Variants in TBCB observed in about 807,000 individuals in gnomAD.
TBCB encodes tubulin-folding cofactor B.
A neutral mutation model predicts 29.2 loss-of-function variants in TBCB; 18 were observed. The observed-to-expected ratio is 0.62, with a 90% CI of 0.43 to 0.91. The LOEUF is 0.91. Among genes scored for constraint, TBCB ranks in the 40% least tolerant of loss-of-function variants. TBCB has a pLI of 0.00. For synonymous variants in TBCB, 172 were observed against 137.8 expected, an observed-to-expected ratio of 1.25 and a Z score of -1.74; for missense variants, 336 against 337.6, an observed-to-expected ratio of 1.00 and a Z score of 0.04.
chr19:36,121,906 G>T (rs1263319223), intron 4 of TBCB, 188 bp downstream of exon 4: 6 of 779,320 alleles, frequency 7.7e-6, no homozygotes, highest in Non-Finnish European at 1.2e-5. Flanking sequence ...AGTGTTTGTG[G>T]AGGGAAGTGG....
chr19:36,117,040 C>A (rs1425697577), intron 2 of TBCB, among the ~76,000 whole-genome samples: 3 of 152,190 alleles, frequency 2.0e-5, no homozygotes, highest in Non-Finnish European at 4.4e-5. Flanking sequence ...TTGTCATATG[C>A]CTGCGTGCCT....
At chr19:36,121,455 C>T (rs372875479) in intron 3 of TBCB, 72 bp from the exon 4 acceptor site, 4 of 1,475,776 alleles carry the variant, frequency 2.7e-6, no homozygotes, top group African/African-American at 2.8e-5. Flanking sequence ...AACGTGGGCC[C>T]CTCGTGGGTG....
chr19:36,123,632 G>A (rs1169954763), intron 4 of TBCB, among the ~76,000 whole-genome samples: 1 of 152,074 alleles, frequency 6.6e-6, no homozygotes, highest in Non-Finnish European at 1.5e-5. Context: ...CCAGCACTTT[G>A]GGAGGCCAAG....
At chr19:36,121,374 T>C (rs1974046605) in intron 3 of TBCB, among the ~76,000 whole-genome samples, 153 bp from the exon 4 acceptor site, 1 of 151,830 alleles carries the variant, frequency 6.6e-6, no homozygotes, top group Non-Finnish European at 1.5e-5. Context: ...TGGGAGAGGC[T>C]AAGGCTGTGG....
chr19:36,120,512 G>C, intron 2 of TBCB, 198 bp from the exon 3 acceptor site: 2 of 565,726 alleles, frequency 3.5e-6, no homozygotes, highest in Non-Finnish European at 6.3e-6. Context: ...GAGCTTGGAT[G>C]GGGGTGAGGA....
upstream of TBCB, chr19:36,115,195 T>C (rs1428333501): frequency 1.8e-6 from 1 of 544,224 alleles, no homozygotes; most frequent in African/African-American, 1.9e-5. Context: ...TTGGCTTGGT[T>C]GAAGGCCAGT....
chr19:36,116,033 C>A lies in TBCB; in HGVS notation c.115-8C>A. On this transcript the variant is annotated splice_region_variant and splice_polypyrimidine_tract_variant and intron_variant, in intron 1 of 5. Transcript: ENST00000221855. ...CCTCCTTCTTCTCACCCTGCCTCCT[C>A]CTCACAGTGTAAACTGGAGTTGCTG... is the stretch of plus-strand genomic sequence containing the variant. The A allele has an allele frequency of 6.2e-7, 1 of 1,612,602 alleles. No individual in the cohort carries two copies. The highest frequency in any genetic ancestry group is 8.5e-7 in the Non-Finnish European group (1 of 1,178,834).
intron 4 of TBCB, among the ~76,000 whole-genome samples, chr19:36,122,874 G>A (rs10410926): frequency 0.15 from 22,338 of 151,792 alleles, 1,845 homozygotes; most frequent in Admixed American, 0.25. Context: ...TGTGAACATC[G>A]TACCCAACAG....
At chr19:36,123,825 A>G (rs1974096663) in intron 4 of TBCB, among the ~76,000 whole-genome samples, 1 of 152,186 alleles carries the variant, frequency 6.6e-6, no homozygotes, top group African/African-American at 2.4e-5. Context: ...CAGTGAGCCA[A>G]GATCACACCA....
chr19:36,122,754 C>CAA (rs200939642), intron 4 of TBCB, among the ~76,000 whole-genome samples: 36 of 62,780 alleles, frequency 5.7e-4, no homozygotes, highest in South Asian at 1.4e-3. Flanking sequence ...ACCCTGTCTC[C>CAA]AAAAAAAAAA....
intron 2 of TBCB, 191 bp downstream of exon 2, chr19:36,116,375 G>T: frequency 1.5e-6 from 1 of 663,596 alleles, no homozygotes. Context: ...CTGGGATCAG[G>T]AAATCCCAGG....
At chr19:36,124,257 C>G (rs576771790) in intron 4 of TBCB, among the ~76,000 whole-genome samples, 13 of 152,322 alleles carry the variant, frequency 8.5e-5, no homozygotes, top group African/African-American at 2.9e-4. Context: ...CAGTCTCACT[C>G]CGTCACCCAG....
chr19:36,121,551 GCAGCAAGCTCGGCCGGTA>G lies in TBCB; in HGVS notation c.383_400del (p.Ser128_Tyr133del). 1 of 1,560,864 alleles carries G rather than the reference GCAGCAAGCTCGGCCGGTA, an allele frequency of 6.4e-7. No individual in the cohort carries two copies. The highest frequency in any genetic ancestry group is 8.7e-7 in the Non-Finnish European group (1 of 1,154,654). ...GACACGGTCCGCTCTTTCCTGAAGC[GCAGCAAGCTCGGCCGGTA>G]CAACGAGGAGGAGCGGGCTCAGCAG... On this transcript the variant is annotated inframe_deletion, in exon 4 of 6. Coordinates refer to ENST00000221855, the MANE Select transcript of TBCB (RefSeq NM_001281.3).
chr19:36,119,648 T>C (rs568981397), intron 2 of TBCB, among the ~76,000 whole-genome samples: 8 of 152,138 alleles, frequency 5.3e-5, no homozygotes, highest in African/African-American at 1.7e-4. Flanking sequence ...ACCCAGTACA[T>C]TGGGAGGCTG....
chr19:36,115,971 G>A, intron 1 of TBCB, 70 bp from the exon 2 acceptor site: 1 of 1,571,548 alleles, frequency 6.4e-7, no homozygotes, highest in South Asian at 1.2e-5. Flanking sequence ...AAGGGACGTG[G>A]CGATGGTCAT....
At chr19:36,124,303 C>T (rs947412508) in intron 4 of TBCB, among the ~76,000 whole-genome samples, 1 of 152,154 alleles carries the variant, frequency 6.6e-6, no homozygotes, top group Non-Finnish European at 1.5e-5. Context: ...TCACTGCATC[C>T]TCTGCCTCCC....
At chr19:36,115,802 G>A in intron 1 of TBCB, 128 bp downstream of exon 1, 1 of 1,127,200 alleles carries the variant, frequency 8.9e-7, no homozygotes, top group Non-Finnish European at 1.3e-6. Flanking sequence ...TGCGGAGGCT[G>A]GGGACCCGGT....
Position 36,115,482 on chromosome 19 carries a change from A to G in TBCB, c.-79A>G, listed in dbSNP as rs557975377. 4.8e-5 allele frequency: 54 copies of G among 1,114,450 alleles called. No homozygotes were observed. The Admixed American group carries it at 8.8e-4, about 18-fold the overall frequency. The allele number at this position is 1,114,450 out of a possible 1,614,324, so 69.0% of individuals were successfully genotyped here. A position where few individuals can be genotyped will look rare whatever the true frequency, so the allele number is the denominator to read the frequency against. ...CAGGAGGCGGGGCTGATAGCCCAGC[A>G]GCAGCAGCGGCGGCGGCGGCTGCGG... On this transcript the variant is annotated 5_prime_UTR_variant, in exon 1 of 6. Coordinates refer to ENST00000221855, the MANE Select transcript of TBCB (RefSeq NM_001281.3).
At position 36,121,673 on chromosome 19, in the gene TBCB, C is replaced by T. The variant is rs1312473710; in HGVS notation, c.502C>T (p.Arg168Trp). The change falls in exon 4 of 6, where the codon CGG becomes TGG. Residue 168 changes from arginine to tryptophan, a missense_variant. By Grantham distance (101) the Arg-to-Trp change is moderately radical (BLOSUM62 -3). Coordinates refer to ENST00000221855, the MANE Select transcript of TBCB (RefSeq NM_001281.3). ...CCCCGTGGGCAGCCGCTGTGAGGTG[C>T]GGGCGGCGGGACAATCCCCTCGCCG... ...SIPVGSRCEVRAAGQSPRRGT... is the reference protein window; with the variant it reads ...SIPVGSRCEVWAAGQSPRRGT... 6.4e-7 allele frequency: 1 copy of T among 1,560,490 alleles called. No individual in the cohort carries two copies. Among genetic ancestry groups the T allele is most frequent in the Non-Finnish European group, 8.7e-7 (1 of 1,153,718 alleles).
Sources: allele counts gnomAD v4.1 joint callset (sites outside exome capture counted in the v4.1 genomes callset), GRCh38; gene constraint gnomAD v4.1.1; transcripts MANE v1.5; gene names NCBI Gene and HGNC (gene_info 2026-07-23, HGNC 2026-07-21).